The following PUM1 variants were observed in gnomAD, a reference collection of about 807,000 sequenced individuals.
PUM1 encodes pumilio RNA binding family member 1.
Under a neutral mutation model 131.8 loss-of-function variants are expected in PUM1, and 13 were observed. That is an observed-to-expected ratio of 0.10 (90% CI 0.06 to 0.16). PUM1 has a LOEUF of 0.16. PUM1 is among the 10% of genes least tolerant of loss of function. The probability of loss-of-function intolerance (pLI) is 1.00; values close to 1 mark genes in which losing one functional copy is unlikely to be tolerated. For synonymous variants in PUM1, 509 were observed against 556.5 expected (o/e 0.91, Z 1.20); for missense variants, 961 against 1,512.4 (o/e 0.64, Z 6.05).
At chr1:31,039,578 T>C (rs1643752299) in intron 2 of PUM1, among the ~76,000 whole-genome samples, 1 of 152,186 alleles carries the variant, frequency 6.6e-6, no homozygotes. Flanking sequence ...GTAAGGATTC[T>C]ATAACGTAGG....
In PUM1 at chr1:30,942,041, G is replaced by A; in HGVS notation, c.3077C>T (p.Pro1026Leu). Residue 1026 changes from proline (P) to leucine (L), a missense_variant, in exon 19 of 22, where the codon CCT (proline) becomes CTT (leucine). Pro to Leu is a moderately conservative substitution (Grantham distance 98). Around this residue, in one of 4 missense-constraint regions of PUM1, gnomAD observed 178 missense variants for 327.5 expected, o/e 0.54. Transcript: ENST00000426105. ...LEHCLPDQTL[P>L]ILEELHQHTE... is the part of the protein sequence containing the mutation. ...GTGCTGGTGAAGCTCCTCTAAAATA[G>A]GGAGTGTCTGGTCAGGGAGACAGTG... The A allele has an allele frequency of 6.3e-7, 1 of 1,599,742 alleles. No individual in the cohort carries two copies. Among genetic ancestry groups the A allele is most frequent in the Non-Finnish European group, 8.5e-7 (1 of 1,171,410 alleles).
At chr1:31,063,976 A>T (rs1644424692) in intron 1 of PUM1, among the ~76,000 whole-genome samples, 1 of 152,228 alleles carries the variant, frequency 6.6e-6, no homozygotes, top group African/African-American at 2.4e-5. Flanking sequence ...AAAGCTCACT[A>T]ATACGTGTAG....
At chr1:31,005,453 T>G (rs1241725878) in intron 5 of PUM1, among the ~76,000 whole-genome samples, 1 of 152,164 alleles carries the variant, frequency 6.6e-6, no homozygotes. Flanking sequence ...TATTGGCAAA[T>G]CACTGCTCTC....
intron 2 of PUM1, among the ~76,000 whole-genome samples, chr1:31,046,317 T>G (rs1244281537): frequency 6.6e-6 from 1 of 151,434 alleles, no homozygotes; most frequent in Admixed American, 6.6e-5. Flanking sequence ...ACCCGGGAGG[T>G]GGAGGTTGCG....
intron 10 of PUM1, 51 bp from the exon 11 acceptor site, chr1:30,968,543 G>T: frequency 6.4e-7 from 1 of 1,564,786 alleles, no homozygotes; most frequent in Non-Finnish European, 8.6e-7. Flanking sequence ...CATTGGAGAA[G>T]ACCTACCCTA....
rs781631320 is a variant in PUM1 at position 30,953,689 on chromosome 1, T to TA, written c.2591+24dup. ...TAAGGCATTACAATTTCGGGTACCT[T>TA]AAAGTGCCAAAGCCAAGTACTCACC... On this transcript the variant is annotated intron_variant, in intron 15 of 21. Coordinates refer to ENST00000426105, the MANE Select transcript of PUM1 (RefSeq NM_001020658.2). 1.2e-5 allele frequency: 19 copies of TA among 1,611,828 alleles called. No individual in the cohort carries two copies. The South Asian group carries it at 2.0e-4, about 17-fold the overall frequency.
chr1:30,987,282 C>T (rs544873344), intron 7 of PUM1, among the ~76,000 whole-genome samples: 4 of 151,822 alleles, frequency 2.6e-5, no homozygotes, highest in Non-Finnish European at 4.4e-5. Context: ...CTGCAACCTC[C>T]GCCTCCTGGG....
intron 3 of PUM1, among the ~76,000 whole-genome samples, chr1:31,015,694 A>T (rs1570276726): frequency 1.8e-5 from 2 of 109,260 alleles, no homozygotes; most frequent in African/African-American, 7.2e-5. Flanking sequence ...TTTTTTTGAG[A>T]TGGAGTTTCT....
chr1:30,932,639 T>TTATATATA lies in PUM1; in HGVS notation c.*564_*571dup, dbSNP rs35972861. 12 of 92,676 alleles carry TTATATATA rather than the reference T, an allele frequency of 1.3e-4. No homozygotes were observed. Among genetic ancestry groups the TTATATATA allele is most frequent in the Admixed American group, 3.6e-4 (4 of 10,986 alleles). 5.7% of individuals were successfully genotyped at this position (92,676 alleles called of 1,614,324 possible). A position where few individuals can be genotyped will look rare whatever the true frequency, so the allele number is the denominator to read the frequency against. On this transcript the variant is annotated 3_prime_UTR_variant, in exon 22 of 22. Transcript: ENST00000426105. ...TTTAGCAACTCTGAAACCTTTTTCA[T>TTATATATA]TATATATATATATATATATATATAT...
chr1:30,964,938 A>T, intron 13 of PUM1, 28 bp from the exon 14 acceptor site: 2 of 1,586,036 alleles, frequency 1.3e-6, no homozygotes, highest in Non-Finnish European at 1.7e-6. Flanking sequence ...CAATGCAGAT[A>T]AGAACAGGCC....
At chr1:31,036,805 C>CA (rs1341842802) in intron 2 of PUM1, 2 of 153,594 alleles carry the variant, frequency 1.3e-5, no homozygotes, top group Middle Eastern at 3.4e-3. Flanking sequence ...GAACTTACAT[C>CA]AAGACCAGGC....
intron 14 of PUM1, among the ~76,000 whole-genome samples, chr1:30,956,753 T>TA (rs1192031406): frequency 6.6e-6 from 1 of 152,096 alleles, no homozygotes; most frequent in African/African-American, 2.4e-5. Context: ...AAAGGGATTT[T>TA]AAGAAACTGG....
At chr1:30,956,252 T>C (rs186541111) in intron 14 of PUM1, among the ~76,000 whole-genome samples, 27 of 151,072 alleles carry the variant, frequency 1.8e-4, no homozygotes, top group African/African-American at 5.6e-4. Context: ...CATAAGACTG[T>C]TTTTTTTTGT....
Position 31,046,310 on chromosome 1 carries a change from C to A in PUM1, c.363+12894G>T, listed in dbSNP as rs542250235. Among the ~76,000 whole-genome samples the A allele has an allele frequency of 4.6e-5, 7 of 151,976 alleles. No homozygotes were observed. In the South Asian group the frequency reaches 6.2e-4, roughly 14 times the overall value. ...CTAAGGCAGGAGAATTGCTTGAACC[C>A]GGGAGGTGGAGGTTGCGGTGAGCCG... On this transcript the variant is annotated intron_variant, in intron 2 of 21. Coordinates refer to ENST00000426105, the MANE Select transcript of PUM1 (RefSeq NM_001020658.2).
intron 5 of PUM1, among the ~76,000 whole-genome samples, chr1:30,998,934 G>T (rs1642083314): frequency 6.6e-6 from 1 of 152,176 alleles, no homozygotes; most frequent in Non-Finnish European, 1.5e-5. Context: ...TAAGTTTTAT[G>T]AAAATTTTAC....
intron 2 of PUM1, among the ~76,000 whole-genome samples, chr1:31,038,461 G>A (rs151109047): frequency 1.3e-5 from 2 of 152,146 alleles, no homozygotes; most frequent in East Asian, 3.9e-4. Context: ...AGTAACACCC[G>A]CCAAGTACCA....
At position 30,952,294 on chromosome 1, in the gene PUM1, C is replaced by A. The variant is rs776130720; in HGVS notation, c.2661G>T (p.Gln887His). ...ERQLVFNEIL[Q>H]AAYQLMVDVF... ...CATCCACCATGAGTTGGTAGGCAGCCTGGAGGATTTCATTGAAGACAAGCT... is the reference window on the plus strand; with the variant it reads ...CATCCACCATGAGTTGGTAGGCAGCATGGAGGATTTCATTGAAGACAAGCT... The change falls in exon 16 of 22, where the codon CAG becomes CAT. Residue 887 changes from glutamine (Q) to histidine (H), a missense_variant. Transcript: ENST00000426105. 1 of 1,614,078 alleles carries A rather than the reference C, an allele frequency of 6.2e-7. No individual in the cohort carries two copies. Among genetic ancestry groups the A allele is most frequent in the South Asian group, 1.1e-5 (1 of 91,090 alleles).
At chr1:31,007,792 T>A (rs962880359) in intron 3 of PUM1, among the ~76,000 whole-genome samples, 33 of 152,208 alleles carry the variant, frequency 2.2e-4, no homozygotes, top group African/African-American at 7.7e-4. Context: ...GAAACAGGGA[T>A]CGCTGGCCAT....
intron 4 of PUM1, 125 bp from the exon 5 acceptor site, chr1:31,006,156 A>G (rs1344422906): frequency 5.8e-6 from 4 of 689,764 alleles, no homozygotes. Context: ...AAAACCTCCT[A>G]TCATGTCCCT....
Sources: allele counts gnomAD v4.1 joint callset (sites outside exome capture counted in the v4.1 genomes callset), GRCh38; gene constraint gnomAD v4.1.1; regional missense constraint gnomAD v4.1.1; transcripts MANE v1.5; gene names NCBI Gene and HGNC (gene_info 2026-07-23, HGNC 2026-07-21).